Variants in GOLIM4 observed in about 807,000 individuals in gnomAD.
GOLIM4 encodes golgi integral membrane protein 4.
Under a neutral mutation model 107.4 loss-of-function variants are expected in GOLIM4, and 71 were observed. The observed-to-expected ratio is 0.66, with a 90% CI of 0.55 to 0.81. The LOEUF (loss-of-function observed/expected upper bound fraction) is 0.81. Among genes scored for constraint, GOLIM4 ranks in the 30% least tolerant of loss-of-function variants. The probability of loss-of-function intolerance (pLI) is 0.00; values close to 1 mark genes in which losing one functional copy is unlikely to be tolerated. For missense variants in GOLIM4, 830 were observed against 826.1 expected, an observed-to-expected ratio of 1.00 and a Z score of -0.06; for synonymous variants, 327 against 294.8, an observed-to-expected ratio of 1.11 and a Z score of -1.12.
intron 1 of GOLIM4, among the ~76,000 whole-genome samples, chr3:168,056,350 CAG>C (rs1719971666): frequency 6.6e-6 from 1 of 152,242 alleles, no homozygotes; most frequent in South Asian, 2.1e-4. Context: ...GAAGTTTGCT[CAG>C]GGGGAGGGCA....
At position 168,010,911 on chromosome 3, in the gene GOLIM4, T is replaced by C. The variant is rs142102117; in HGVS notation, c.1861-88A>G. 1,086 of 903,850 alleles carry C rather than the reference T, an allele frequency of 1.2e-3. 14 individuals are homozygous for C. The East Asian group carries it at 0.022, about 18-fold the overall frequency. 56.0% of individuals were successfully genotyped at this position (903,850 alleles called of 1,614,324 possible). A position where few individuals can be genotyped will look rare whatever the true frequency, so the allele number is the denominator to read the frequency against. On this transcript the variant is annotated intron_variant, in intron 14 of 15. Coordinates refer to ENST00000470487, the MANE Select transcript of GOLIM4 (RefSeq NM_014498.5). ...TTTGACACTGTTATCATTTAAAGAC[T>C]TGCAATAATATATTTTGATTTCCAA...
In GOLIM4 at chr3:168,066,146, T is replaced by C. The variant is rs531550494; in HGVS notation, c.188-17781A>G. 2.8e-4 allele frequency among the ~76,000 whole-genome samples: 42 copies of C among 151,572 alleles called. 1 individual carries two copies. Among genetic ancestry groups the C allele is most frequent in the African/African-American group, 9.4e-4 (39 of 41,322 alleles). ...AACATCTTTTTAGCTGAAGGACTTA[T>C]GGCCCTTGATTAGGGCCGAAGGGCT... On this transcript the variant is annotated intron_variant, in intron 1 of 15. Coordinates refer to ENST00000470487, the MANE Select transcript of GOLIM4 (RefSeq NM_014498.5).
intron 1 of GOLIM4, among the ~76,000 whole-genome samples, chr3:168,075,038 A>C (rs1721001904): frequency 1.3e-5 from 2 of 152,166 alleles, no homozygotes; most frequent in South Asian, 4.1e-4. Context: ...ACTTTTATGA[A>C]AGAATTAAGT....
chr3:168,061,426 T>C lies in GOLIM4; in HGVS notation c.188-13061A>G, dbSNP rs191604093. Among the ~76,000 whole-genome samples, 5 of 152,314 alleles carry C rather than the reference T, an allele frequency of 3.3e-5. No individual in the cohort carries two copies. The East Asian group carries it at 9.7e-4, about 29-fold the overall frequency. Reference sequence around the variant, plus strand: ...AACTGATAGTGTTAACTAAAGCTGATGAAGGCATATCCTAAGACCTATAAA... The same window carrying C: ...AACTGATAGTGTTAACTAAAGCTGACGAAGGCATATCCTAAGACCTATAAA... On this transcript the variant is annotated intron_variant, in intron 1 of 15. Transcript: ENST00000470487.
chr3:168,012,478 C>T (rs1434383876), intron 14 of GOLIM4, among the ~76,000 whole-genome samples: 2 of 146,256 alleles, frequency 1.4e-5, no homozygotes, highest in South Asian at 2.1e-4. Context: ...GGATATTATC[C>T]AGGAGAACTT....
rs183114323 is a variant in GOLIM4 at position 168,093,406 on chromosome 3, G to A, written c.187+1693C>T. On this transcript the variant is annotated intron_variant, in intron 1 of 15. Transcript: ENST00000470487. ...ATTCCCCTAATGAGTGTCAGGCACA[G>A]TGTGGTGCTGAGGAGGTAATGGTGA... Among the ~76,000 whole-genome samples the A allele has an allele frequency of 7.3e-3, 1,116 of 152,328 alleles. 9 individuals carry two copies. Among genetic ancestry groups the A allele is most frequent in the Non-Finnish European group, 0.011 (717 of 68,028 alleles).
chr3:168,023,744 G>C (rs1374525676), intron 14 of GOLIM4, among the ~76,000 whole-genome samples: 2 of 152,184 alleles, frequency 1.3e-5, no homozygotes, highest in Admixed American at 1.3e-4. Context: ...GGCCTAATTT[G>C]TATCAGACTC....
chr3:168,047,984 T>C (rs1283786489), intron 2 of GOLIM4, among the ~76,000 whole-genome samples: 4 of 150,308 alleles, frequency 2.7e-5, no homozygotes, highest in Non-Finnish European at 4.4e-5. Flanking sequence ...AAGTTCCAGG[T>C]GTAAGTAATA....
At chr3:168,026,615 C>T (rs558244720) in intron 12 of GOLIM4, among the ~76,000 whole-genome samples, 1 of 152,246 alleles carries the variant, frequency 6.6e-6, no homozygotes, top group Admixed American at 6.5e-5. Context: ...ACTGAAATGC[C>T]CTTCCTCCCA....
rs556314597 is a variant in GOLIM4, at chr3:168,027,578, G to C, written c.1623+150C>G. 8.3e-5 allele frequency: 52 copies of C among 624,544 alleles called. No homozygotes were observed. In the African/African-American group the frequency reaches 8.5e-4, roughly 10 times the overall value. The allele number at this position is 624,544 out of a possible 1,614,324, so 38.7% of individuals were successfully genotyped here. A position where few individuals can be genotyped will look rare whatever the true frequency, so the allele number is the denominator to read the frequency against. The stretch of plus-strand genomic sequence containing the variant: ...ACCATGGTTTACAGTTAAAAACACT[G>C]CCCATATATAATTATGCAAGCCATT... On this transcript the variant is annotated intron_variant, in intron 12 of 15. Transcript: ENST00000470487.
intron 1 of GOLIM4, among the ~76,000 whole-genome samples, chr3:168,093,653 C>CT (rs1722017247): frequency 6.6e-6 from 1 of 152,056 alleles, no homozygotes; most frequent in Non-Finnish European, 1.5e-5. Flanking sequence ...ATTCTCATAC[C>CT]AACAATAACT....
At chr3:168,022,167 A>T (rs1239416619) in intron 14 of GOLIM4, among the ~76,000 whole-genome samples, 3 of 152,094 alleles carry the variant, frequency 2.0e-5, no homozygotes, top group African/African-American at 7.2e-5. Flanking sequence ...GATGGGCTAT[A>T]CCTCTGAACA....
chr3:168,060,733 A>C (rs764961183), intron 1 of GOLIM4, among the ~76,000 whole-genome samples: 1 of 152,180 alleles, frequency 6.6e-6, no homozygotes, highest in Admixed American at 6.5e-5. Context: ...CCAGGGCCCA[A>C]CTCAAATCTA....
intron 1 of GOLIM4, among the ~76,000 whole-genome samples, chr3:168,093,584 T>C (rs1722014118): frequency 6.6e-6 from 1 of 152,202 alleles, no homozygotes; most frequent in Non-Finnish European, 1.5e-5. Context: ...TCTGACTCCA[T>C]GGAACTTCAC....
rs148345570 is a variant in GOLIM4 at position 168,031,664 on chromosome 3, T to C, written c.1176+856A>G. Among the ~76,000 whole-genome samples, 577 of 152,288 alleles carry C rather than the reference T, an allele frequency of 3.8e-3. 1 individual carries two copies. Among genetic ancestry groups the C allele is most frequent in the Non-Finnish European group, 6.0e-3 (409 of 68,018 alleles). ...TGGAAGAAGCTTTCTGAGGTTAAGT[T>C]TGCAACTACCTAAGAGGGCAACTAC... On this transcript the variant is annotated intron_variant, in intron 9 of 15. Coordinates refer to ENST00000470487, the MANE Select transcript of GOLIM4 (RefSeq NM_014498.5).
At chr3:168,024,861 T>C in intron 13 of GOLIM4, 67 bp downstream of exon 13, 1 of 1,486,630 alleles carries the variant, frequency 6.7e-7, no homozygotes, top group African/African-American at 1.4e-5. Flanking sequence ...GACTAACCTT[T>C]TACATAAACC....
Position 168,043,025 on chromosome 3 carries a change from T to C in GOLIM4, c.517+354A>G, listed in dbSNP as rs185633866. On this transcript the variant is annotated intron_variant, in intron 5 of 15. Transcript: ENST00000470487. ...AAATATATGGAGCAATTTTTGATTG[T>C]GGCAATAACTGAGAAGCATTATAGC... is the stretch of plus-strand genomic sequence containing the variant. 1.1e-4 allele frequency among the ~76,000 whole-genome samples: 16 copies of C among 152,328 alleles called. No homozygotes were observed. The East Asian group carries it at 2.9e-3, about 28-fold the overall frequency.
intron 5 of GOLIM4, 77 bp from the exon 6 acceptor site, chr3:168,041,551 A>C: frequency 1.4e-6 from 1 of 699,330 alleles, no homozygotes. Context: ...TCATATCTAA[A>C]GCCACCTATA....
Position 168,024,531 on chromosome 3 carries a change from C to T in GOLIM4, c.1855G>A (p.Glu619Lys). ...TGGGATTCAATCCTTACTACCTCCTCTTCTGCCTCTTCCTGGTACTGTTCA... is the reference window on the plus strand; with the variant it reads ...TGGGATTCAATCCTTACTACCTCCTTTTCTGCCTCTTCCTGGTACTGTTCA... ...VDEQYQEEAE[E>K]EVQEDLTEEK... The change falls in exon 14 of 16, where the codon GAG becomes AAG. Residue 619 changes from glutamate (E) to lysine (K), a missense_variant. Transcript: ENST00000470487. 1.9e-6 allele frequency: 3 copies of T among 1,608,040 alleles called. No homozygotes were observed. Among genetic ancestry groups the T allele is most frequent in the South Asian group, 2.2e-5 (2 of 90,952 alleles).
Sources: gnomAD v4.1 joint callset for allele counts (sites outside exome capture counted in the v4.1 genomes callset) on GRCh38, gnomAD v4.1.1 for gene constraint, MANE v1.5 for transcripts, NCBI Gene and HGNC (gene_info 2026-07-23, HGNC 2026-07-21) for gene names.